Variants in IKBKE observed in about 807,000 individuals in gnomAD.
IKBKE encodes the protein inhibitor of nuclear factor kappa B kinase subunit epsilon.
IKBKE carries 45 observed loss-of-function variants against 92.1 expected under a neutral mutation model. That is an observed-to-expected ratio of 0.49 (90% CI 0.38 to 0.63). IKBKE has a LOEUF of 0.63. Ranked by LOEUF, IKBKE falls within the 20% of genes least tolerant of loss-of-function variation. IKBKE has a pLI of 0.00. For synonymous variants in IKBKE, 374 were observed against 380.3 expected, an observed-to-expected ratio of 0.98 and a Z score of 0.19; for missense variants, 700 against 932.8, an observed-to-expected ratio of 0.75 and a Z score of 3.25.
At position 206,491,650 on chromosome 1, in the gene IKBKE, T is replaced by A. The variant is rs1553390403; in HGVS notation, c.1736T>A (p.Val579Glu). ...ACCTTGGTTCTCTGTCGTTCTAGGG[T>A]GAATTTCAGTCATTTAGCCAAAAGA... The part of the protein sequence containing the change: ...NEEQIHKLDK[V>E]NFSHLAKRLL... Residue 579 changes from valine (V) to glutamate (E), a missense_variant and splice_region_variant, in exon 18 of 22, where the codon GTG (valine) becomes GAG (glutamate). Physicochemically the swap from Val to Glu is moderately radical, Grantham distance 121 (BLOSUM62 -2). Transcript: ENST00000581977. 6.2e-7 allele frequency: 1 copy of A among 1,611,538 alleles called. No individual in the cohort carries two copies. Among genetic ancestry groups the A allele is most frequent in the East Asian group, 2.2e-5 (1 of 44,812 alleles).
intron 5 of IKBKE, 84 bp downstream of exon 5, chr1:206,475,078 C>T (rs1664988602): frequency 5.8e-6 from 8 of 1,388,666 alleles, no homozygotes; most frequent in Non-Finnish European, 9.9e-7. Context: ...GTGTCTGACT[C>T]CTGCTAATCA....
intron 2 of IKBKE, among the ~76,000 whole-genome samples, chr1:206,472,095 CAA>C (rs1664806102): frequency 6.6e-6 from 1 of 152,094 alleles, no homozygotes; most frequent in Admixed American, 6.5e-5. Flanking sequence ...ACTAAAAATA[CAA>C]AAGACAGCCA....
Position 206,478,022 on chromosome 1 carries a change from C to A in IKBKE, c.813-138C>A, listed in dbSNP as rs1553385901. The A allele has an allele frequency of 2.4e-6, 2 of 829,014 alleles. No individual in the cohort carries two copies. Among genetic ancestry groups the A allele is most frequent in the African/African-American group, 3.4e-5 (2 of 58,418 alleles). The allele number at this position is 829,014 out of a possible 1,614,324, so 51.4% of individuals were successfully genotyped here. On this transcript the variant is annotated intron_variant, in intron 8 of 21. Coordinates refer to ENST00000581977, the MANE Select transcript of IKBKE (RefSeq NM_014002.4). This position sits in a 1 kb window ranked among gnomAD's most constrained non-coding sequence, Gnocchi z 4.8. ...GTTGCTGGAACGAGTTCTTCCAGCTCTTCCTCCCCAACCCACCCTGCCCCA... is the reference window on the plus strand; with the variant it reads ...GTTGCTGGAACGAGTTCTTCCAGCTATTCCTCCCCAACCCACCCTGCCCCA...
Position 206,480,582 on chromosome 1 carries a change from T to C in IKBKE, c.1427+49T>C, listed in dbSNP as rs576966899. ...TGGGACCTCTCAGCCCTGCCTTGTC[T>C]GCTCCTCACCCTAGATACTTCCAAC... On this transcript the variant is annotated intron_variant, in intron 13 of 21. Coordinates refer to ENST00000581977, the MANE Select transcript of IKBKE (RefSeq NM_014002.4). 194 of 1,333,344 alleles carry C rather than the reference T, an allele frequency of 1.5e-4. 1 individual carries two copies. In the South Asian group the frequency reaches 2.0e-3, roughly 14 times the overall value. The allele number at this position is 1,333,344 out of a possible 1,614,324, so 82.6% of individuals were successfully genotyped here.
Position 206,476,584 on chromosome 1 carries a change from G to C in IKBKE, c.541-94G>C. On this transcript the variant is annotated intron_variant, in intron 6 of 21. Coordinates refer to ENST00000581977, the MANE Select transcript of IKBKE (RefSeq NM_014002.4). This position sits in a 1 kb window ranked among gnomAD's most constrained non-coding sequence, Gnocchi z 5.1. ...GACAAAGAAGGATTTGAACAGTTCT[G>C]TTTTCACCTGCAGGCGGTGAAAGGG... is the stretch of plus-strand genomic sequence containing the variant. The C allele has an allele frequency of 1.4e-6, 2 of 1,439,800 alleles. No individual in the cohort carries two copies. The highest frequency in any genetic ancestry group is 1.9e-6 in the Non-Finnish European group (2 of 1,042,228). 89.2% of individuals were successfully genotyped at this position (1,439,800 alleles called of 1,614,324 possible).
At chr1:206,492,048 T>C (rs1665973341) in intron 18 of IKBKE, 2 of 340,198 alleles carry the variant, frequency 5.9e-6, no homozygotes, top group East Asian at 7.2e-5. Context: ...GGCTAGTAAG[T>C]GGCAGACCCA....
rs1215006465 is a variant in IKBKE, at chr1:206,487,834, C to T, written c.1617-80C>T. ...GCTGTGAGGCTCCTCCCCTATTCCA[C>T]TGCCACCCTTCCCCTCCCTCCCTCT... On this transcript the variant is annotated intron_variant, in intron 15 of 21. Coordinates refer to ENST00000581977, the MANE Select transcript of IKBKE (RefSeq NM_014002.4). This position sits in a 1 kb window ranked among gnomAD's most constrained non-coding sequence, Gnocchi z 5.3. The T allele has an allele frequency of 1.7e-6, 2 of 1,172,858 alleles. No homozygotes were observed. Among genetic ancestry groups the T allele is most frequent in the South Asian group, 1.3e-5 (1 of 75,118 alleles). 72.7% of individuals were successfully genotyped at this position (1,172,858 alleles called of 1,614,324 possible). A position where few individuals can be genotyped will look rare whatever the true frequency, so the allele number is the denominator to read the frequency against.
chr1:206,476,647 T>C lies in IKBKE; in HGVS notation c.541-31T>C. ...CTCAGGCCCTTGCCAGCCCTCCGGC[T>C]CCATGGCCTCATTCTGGTTCTCTCC... On this transcript the variant is annotated intron_variant, in intron 6 of 21. Transcript: ENST00000581977. The surrounding 1 kb of genome is among the most constrained non-coding windows in gnomAD (Gnocchi z 5.1). 1.2e-6 allele frequency: 2 copies of C among 1,613,730 alleles called. No individual in the cohort carries two copies. Among genetic ancestry groups the C allele is most frequent in the South Asian group, 2.2e-5 (2 of 91,006 alleles).
rs1553384844 is a variant in IKBKE at position 206,474,936 on chromosome 1, C to T, written c.300C>T (p.Ser100=). Residue 100 remains serine (S), a synonymous_variant, in exon 5 of 22, where the codon AGC becomes AGT. Transcript: ENST00000581977. ...GGAGCCTGCTGAGTGTGCTGGAGAG[C>T]CCTGAGAATGCCTTTGGGCTGCCTG... ...SSGSLLSVLE[S]PENAFGLPED... 1 of 1,613,930 alleles carries T rather than the reference C, an allele frequency of 6.2e-7. No homozygotes were observed. Among genetic ancestry groups the T allele is most frequent in the African/African-American group, 1.3e-5 (1 of 74,896 alleles).
chr1:206,491,668 C>T lies in IKBKE; in HGVS notation c.1754C>T (p.Ala585Val), dbSNP rs1273214059. The change falls in exon 18 of 22, where the codon GCC becomes GTC. Residue 585 changes from alanine (A) to valine (V), a missense_variant. Transcript: ENST00000581977. ...TCTAGGGTGAATTTCAGTCATTTAGCCAAAAGACTCCTGCAGGTGTTCCAG... is the reference window on the plus strand; with the variant it reads ...TCTAGGGTGAATTTCAGTCATTTAGTCAAAAGACTCCTGCAGGTGTTCCAG... ...KLDKVNFSHL[A>V]KRLLQVFQEE... 1.2e-6 allele frequency: 2 copies of T among 1,612,982 alleles called. No homozygotes were observed. The highest frequency in any genetic ancestry group is 1.7e-6 in the Non-Finnish European group (2 of 1,179,332).
At chr1:206,471,327 G>C (rs1664762189) in intron 2 of IKBKE, 82 bp downstream of exon 2, 1 of 152,394 alleles carries the variant, frequency 6.6e-6, no homozygotes, top group African/African-American at 2.4e-5. Context: ...ATGCTTCACT[G>C]TCCACTGCTC....
At chr1:206,492,737 T>C in intron 18 of IKBKE, 1 of 577,738 alleles carries the variant, frequency 1.7e-6, no homozygotes, top group Non-Finnish European at 3.4e-6. Context: ...GGTGCCACGC[T>C]CACCATAGGT....
intron 5 of IKBKE, among the ~76,000 whole-genome samples, chr1:206,475,620 C>T (rs970595266): frequency 1.1e-4 from 17 of 151,578 alleles, no homozygotes; most frequent in Admixed American, 3.9e-4. Context: ...GCCTGTAGTT[C>T]CAGCCACTTG....
chr1:206,489,462 G>C (rs1665839511), intron 16 of IKBKE, among the ~76,000 whole-genome samples: 1 of 149,398 alleles, frequency 6.7e-6, no homozygotes, highest in Non-Finnish European at 1.5e-5. Flanking sequence ...CAGCACTTTG[G>C]AAAACTGAAG....
Position 206,477,946 on chromosome 1 carries a change from C to T in IKBKE, c.812+87C>T, listed in dbSNP as rs531430264. 27 of 1,007,378 alleles carry T rather than the reference C, an allele frequency of 2.7e-5. No individual in the cohort carries two copies. The African/African-American group carries it at 3.5e-4, about 13-fold the overall frequency. 62.4% of individuals were successfully genotyped at this position (1,007,378 alleles called of 1,614,324 possible). On this transcript the variant is annotated intron_variant, in intron 8 of 21. Coordinates refer to ENST00000581977, the MANE Select transcript of IKBKE (RefSeq NM_014002.4). The stretch of plus-strand genomic sequence containing the variant: ...TAAGTCAAGACTTCTGAGGCCTGTT[C>T]CAGCAGGTTCCGGGCATGCTGCAGG...
chr1:206,472,195 G>A (rs1664813369), intron 2 of IKBKE, among the ~76,000 whole-genome samples: 1 of 152,130 alleles, frequency 6.6e-6, no homozygotes, highest in South Asian at 2.1e-4. Flanking sequence ...AGGTTGCAGT[G>A]AGTCATGATT....
At chr1:206,493,479 G>A (rs2103485945) in intron 20 of IKBKE, 101 bp downstream of exon 20, 3 of 835,652 alleles carry the variant, frequency 3.6e-6, no homozygotes, top group Non-Finnish European at 5.8e-6. Context: ...CGTCATGCCA[G>A]GCCTAGGAGG....
At position 206,496,546 on chromosome 1, in the gene IKBKE, C is replaced by T; in HGVS notation, c.*401C>T. 3.7e-6 allele frequency: 1 copy of T among 267,216 alleles called. No homozygotes were observed. 16.6% of individuals were successfully genotyped at this position (267,216 alleles called of 1,614,324 possible). A position where few individuals can be genotyped will look rare whatever the true frequency, so the allele number is the denominator to read the frequency against. On this transcript the variant is annotated 3_prime_UTR_variant, in exon 22 of 22. Coordinates refer to ENST00000581977, the MANE Select transcript of IKBKE (RefSeq NM_014002.4). ...CAGGAGAGGAGGCCTCCTGGGGTTT[C>T]CCCAGGGCAGTAGGTCAAACGACCT...
intron 13 of IKBKE, among the ~76,000 whole-genome samples, chr1:206,482,592 G>C (rs1369033851): frequency 3.3e-5 from 5 of 152,230 alleles, no homozygotes; most frequent in African/African-American, 1.2e-4. Context: ...GCCTATTTCA[G>C]CCTCCCATCA....
Sources: gnomAD v4.1 joint callset for allele counts (sites outside exome capture counted in the v4.1 genomes callset) on GRCh38, gnomAD v4.1.1 for gene constraint, Gnocchi (gnomAD v3.1) non-coding constraint, MANE v1.5 for transcripts, NCBI Gene and HGNC (gene_info 2026-07-23, HGNC 2026-07-21) for gene names.